TREX1: variants seen among roughly 807,000 people sequenced by gnomAD.
TREX1 encodes three prime repair exonuclease 1, also known as three-prime repair exonuclease 1.
A neutral mutation model predicts 13.7 loss-of-function variants in TREX1; 11 were observed. The ratio of observed to expected loss-of-function variants is 0.80; its 90% CI spans 0.51 to 1.33. TREX1 has a LOEUF of 1.33. Among genes scored for constraint, TREX1 ranks in the 40% most tolerant of loss-of-function variants. The pLI, the probability that TREX1 is intolerant of heterozygous loss-of-function variation, is 0.00. For missense variants in TREX1, 409 were observed against 404.4 expected, an observed-to-expected ratio of 1.01 and a Z score of -0.10; for synonymous variants, 178 against 178.8, an observed-to-expected ratio of 1.00 and a Z score of 0.03.
chr3:48,467,183 C>G lies in TREX1; in HGVS notation c.528C>G (p.Ser176Arg), dbSNP rs762867718. The change falls in exon 2 of 2, where the codon AGC (serine) becomes AGG (arginine). Residue 176 changes from serine to arginine, a missense_variant. Transcript: ENST00000625293. ...CCTCAGAACACGGCCCAAGGAAGAGCTATAGCCTAGGCAGCATCTACACTC... is the reference window on the plus strand; with the variant it reads ...CCTCAGAACACGGCCCAAGGAAGAGGTATAGCCTAGGCAGCATCTACACTC... ...SSPSEHGPRK[S>R]YSLGSIYTRL... The G allele has an allele frequency of 1.9e-6, 3 of 1,613,920 alleles. No individual in the cohort carries two copies. The highest frequency in any genetic ancestry group is 2.2e-5 in the South Asian group (2 of 91,074).
Sources: allele counts gnomAD v4.1 joint callset, GRCh38; gene constraint gnomAD v4.1.1; transcripts MANE v1.5; gene names NCBI Gene and HGNC (gene_info 2026-07-23, HGNC 2026-07-21).